ZMIZ1: variants seen among roughly 807,000 people sequenced by gnomAD.
ZMIZ1 encodes zinc finger MIZ domain-containing protein 1.
A neutral mutation model predicts 113.9 loss-of-function variants in ZMIZ1; 17 were observed. That is an observed-to-expected ratio of 0.15 (90% CI 0.10 to 0.22). ZMIZ1 has a LOEUF of 0.22. Ranked by LOEUF, ZMIZ1 falls within the 10% of genes least tolerant of loss-of-function variation. The pLI, the probability that ZMIZ1 is intolerant of heterozygous loss-of-function variation, is 1.00. For synonymous variants in ZMIZ1, 607 were observed against 603.1 expected (o/e 1.01, Z -0.09); for missense variants, 1,059 against 1,477.8 (o/e 0.72, Z 4.65).
Position 79,314,142 on chromosome 10 carries a change from C to A in ZMIZ1, c.*1393C>A. On this transcript the variant is annotated 3_prime_UTR_variant, in exon 25 of 25. Transcript: ENST00000334512. ...CAAGCAAAAGCAGCCTCTGGCCTTCCCTCCACCGCTTTGCTCCATCTGGCT... is the reference window on the plus strand; with the variant it reads ...CAAGCAAAAGCAGCCTCTGGCCTTCACTCCACCGCTTTGCTCCATCTGGCT... The A allele has an allele frequency of 2.2e-6, 1 of 457,036 alleles. No homozygotes were observed. The highest frequency in any genetic ancestry group is 1.5e-5 in the South Asian group (1 of 64,574). 28.3% of individuals were successfully genotyped at this position (457,036 alleles called of 1,614,324 possible).
In ZMIZ1 at chr10:79,118,300, A is replaced by T. The variant is rs1006802077; in HGVS notation, c.-336-615A>T. Among the ~76,000 whole-genome samples the T allele has an allele frequency of 2.5e-4, 38 of 152,106 alleles. No homozygotes were observed. The highest frequency in any genetic ancestry group is 1.5e-5 in the Non-Finnish European group (1 of 68,016). On this transcript the variant is annotated intron_variant, in intron 1 of 24. Coordinates refer to ENST00000334512, the MANE Select transcript of ZMIZ1 (RefSeq NM_020338.4). This position sits in a 1 kb window ranked among gnomAD's most constrained non-coding sequence, Gnocchi z 4.1. ...GTTCACTGCACACTTTCACGGCACC[A>T]TTCATCCATCAAGGAATCTCTGTGG... is the stretch of plus-strand genomic sequence containing the variant.
chr10:79,168,541 C>T (rs1846462476), intron 4 of ZMIZ1, among the ~76,000 whole-genome samples: 1 of 152,244 alleles, frequency 6.6e-6, no homozygotes, highest in Non-Finnish European at 1.5e-5. Flanking sequence ...AAGCCACAGA[C>T]AGGCACCCAG....
Position 79,293,218 on chromosome 10 carries a change from TG to T in ZMIZ1, c.958-162del. ...GGCAGCAGTGAGCCTGGGTGGATCC[TG>T]CTCCCCTGGGGCCTGGTTGGTCACC... On this transcript the variant is annotated intron_variant, in intron 11 of 24. Coordinates refer to ENST00000334512, the MANE Select transcript of ZMIZ1 (RefSeq NM_020338.4). 3 of 735,006 alleles carry T rather than the reference TG, an allele frequency of 4.1e-6. No individual in the cohort carries two copies. In the East Asian group the frequency reaches 1.5e-4, roughly 37 times the overall value. The allele number at this position is 735,006 out of a possible 1,614,324, so 45.5% of individuals were successfully genotyped here.
intron 1 of ZMIZ1, among the ~76,000 whole-genome samples, chr10:79,079,060 T>G (rs955802856): frequency 6.6e-5 from 10 of 152,234 alleles, no homozygotes; most frequent in African/African-American, 2.4e-4. Context: ...CAGCCTGCTT[T>G]CTTGGCCTTT....
chr10:79,193,031 TC>T (rs1345809620), intron 4 of ZMIZ1, among the ~76,000 whole-genome samples: 3 of 152,132 alleles, frequency 2.0e-5, no homozygotes, highest in African/African-American at 4.8e-5. Context: ...ACCACCCTCT[TC>T]CTCTGCATCC....
intron 4 of ZMIZ1, among the ~76,000 whole-genome samples, chr10:79,175,191 G>C (rs780149): frequency 0.68 from 103,304 of 152,100 alleles, 36,760 homozygotes; most frequent in East Asian, 0.9. Flanking sequence ...CAAGCCTTAC[G>C]CTAATTCATG....
At chr10:79,285,668 G>A (rs758913321) in intron 8 of ZMIZ1, 16 of 444,408 alleles carry the variant, frequency 3.6e-5, no homozygotes, top group African/African-American at 3.0e-4. Flanking sequence ...TTTTTGTTTA[G>A]CAAAGGTTTC....
chr10:79,163,999 A>G (rs1325323824), intron 4 of ZMIZ1, among the ~76,000 whole-genome samples: 2 of 152,228 alleles, frequency 1.3e-5, no homozygotes, highest in Non-Finnish European at 2.9e-5. Flanking sequence ...GTAATTAATC[A>G]TAGGAGCAGC....
chr10:79,306,296 C>T lies in ZMIZ1; in HGVS notation c.2620C>T (p.Leu874Phe), dbSNP rs766316922. The change falls in exon 22 of 25, where the codon CTC (leucine) becomes TTC (phenylalanine). Residue 874 changes from leucine (L) to phenylalanine (F), a missense_variant. Coordinates refer to ENST00000334512, the MANE Select transcript of ZMIZ1 (RefSeq NM_020338.4). ...ALGPGPSPYPLPPPPGGTNSN... is the reference protein window; with the variant it reads ...ALGPGPSPYPFPPPPGGTNSN... ...GGGCCCCGGCCCGTCCCCCTATCCC[C>T]TCCCGCCTCCCCCAGGGGGCACCAA... 7 of 1,613,332 alleles carry T rather than the reference C, an allele frequency of 4.3e-6. No individual in the cohort carries two copies. The East Asian group carries it at 1.1e-4, about 26-fold the overall frequency.
chr10:79,248,526 T>G (rs1207881355), intron 7 of ZMIZ1, among the ~76,000 whole-genome samples: 1 of 152,126 alleles, frequency 6.6e-6, no homozygotes, highest in Non-Finnish European at 1.5e-5. Flanking sequence ...CAGGCAGGAA[T>G]CGGGCATAGA....
intron 1 of ZMIZ1, among the ~76,000 whole-genome samples, chr10:79,078,735 A>ATTTTTTT (rs1842562544): frequency 2.9e-5 from 1 of 34,934 alleles, no homozygotes; most frequent in African/African-American, 1.2e-4. Flanking sequence ...TTTTTTTTGC[A>ATTTTTTT]TATGGTGTTT....
At chr10:79,173,576 AACAG>A (rs1335174100) in intron 4 of ZMIZ1, among the ~76,000 whole-genome samples, 3 of 152,162 alleles carry the variant, frequency 2.0e-5, no homozygotes, top group Non-Finnish European at 4.4e-5. Context: ...TACCTTGATC[AACAG>A]ACAGAGAGCA....
intron 3 of ZMIZ1, among the ~76,000 whole-genome samples, chr10:79,144,526 C>G (rs1564677982): frequency 1.3e-5 from 2 of 152,160 alleles, no homozygotes; most frequent in South Asian, 2.1e-4. Flanking sequence ...CACCCCACCC[C>G]ACAAGCAGGC....
At chr10:79,202,189 G>GGA (rs1564716548) in intron 5 of ZMIZ1, among the ~76,000 whole-genome samples, 1 of 52,634 alleles carries the variant, frequency 1.9e-5, no homozygotes, top group Admixed American at 2.5e-4. Context: ...CCCTGTCTCA[G>GGA]AAAAAAAAAA....
At chr10:79,211,938 G>A (rs946283658) in intron 6 of ZMIZ1, among the ~76,000 whole-genome samples, 9 of 152,190 alleles carry the variant, frequency 5.9e-5, no homozygotes, top group African/African-American at 2.2e-4. Flanking sequence ...CAATGAGGAC[G>A]CCCTGCAGCT....
chr10:79,188,659 A>G (rs4980043), intron 4 of ZMIZ1, among the ~76,000 whole-genome samples: 28,173 of 90,160 alleles, frequency 0.31, 3,120 homozygotes, highest in African/African-American at 0.42. Flanking sequence ...TCTTTTACCC[A>G]GCCAGCTGGC....
intron 8 of ZMIZ1, among the ~76,000 whole-genome samples, chr10:79,286,268 G>T (rs947358649): frequency 2.0e-5 from 3 of 152,220 alleles, no homozygotes; most frequent in African/African-American, 7.2e-5. Flanking sequence ...CAGCCCAGGG[G>T]TCTGCTTGGT....
At chr10:79,082,669 C>T (rs1332087348) in intron 1 of ZMIZ1, among the ~76,000 whole-genome samples, 3 of 152,244 alleles carry the variant, frequency 2.0e-5, no homozygotes, top group Non-Finnish European at 2.9e-5. Flanking sequence ...TCACCCTTTG[C>T]GCCCGAGGCT....
At chr10:79,303,975 G>C in intron 18 of ZMIZ1, 40 bp from the exon 19 acceptor site, 1 of 1,612,050 alleles carries the variant, frequency 6.2e-7, no homozygotes, top group African/African-American at 1.3e-5. Context: ...CTGCAGGACT[G>C]TCTTGCCATC....
Sources: allele counts gnomAD v4.1 joint callset (sites outside exome capture counted in the v4.1 genomes callset), GRCh38; gene constraint gnomAD v4.1.1; non-coding constraint Gnocchi (gnomAD v3.1); transcripts MANE v1.5; gene names NCBI Gene and HGNC (gene_info 2026-07-23, HGNC 2026-07-21).